The following ZNF419 variants were observed in gnomAD, a reference collection of about 807,000 sequenced individuals.
ZNF419 encodes the protein zinc finger protein 419.
Under a neutral mutation model 14.9 loss-of-function variants are expected in ZNF419, and 8 were observed. The observed-to-expected ratio is 0.54, with a 90% CI of 0.32 to 0.97. The LOEUF (loss-of-function observed/expected upper bound fraction) is 0.97. Among genes scored for constraint, ZNF419 ranks in the 50% least tolerant of loss-of-function variants. The pLI, the probability that ZNF419 is intolerant of heterozygous loss-of-function variation, is 0.04. For missense variants in ZNF419, 595 were observed against 607.2 expected, an observed-to-expected ratio of 0.98 and a Z score of 0.21; for synonymous variants, 211 against 205.3, an observed-to-expected ratio of 1.03 and a Z score of -0.24.
chr19:57,493,240 A>C lies in ZNF419; in HGVS notation c.683A>C (p.Lys228Thr), dbSNP rs765091670. 14 of 1,614,152 alleles carry C rather than the reference A, an allele frequency of 8.7e-6. No homozygotes were observed. In the South Asian group the frequency reaches 1.5e-4, roughly 18 times the overall value. Reference protein sequence around the residue: ...LVQHQRLHAGKKTYECSECGK... With the variant: ...LVQHQRLHAGTKTYECSECGK... ...CAGCACCAGAGACTACATGCTGGGA[A>C]AAAGACGTATGAATGCAGTGAATGT... The change falls in exon 5 of 5, where the codon AAA (lysine) becomes ACA (threonine). Residue 228 changes from lysine to threonine, a missense_variant. Coordinates refer to ENST00000221735, the MANE Select transcript of ZNF419 (RefSeq NM_024691.4).
chr19:57,495,696 A>T lies in ZNF419; in HGVS notation c.*1606A>T, dbSNP rs2089599728. 8.6e-6 allele frequency: 1 copy of T among 116,346 alleles called. No homozygotes were observed. The highest frequency in any genetic ancestry group is 3.0e-4 in the South Asian group (1 of 3,298). 7.2% of individuals were successfully genotyped at this position (116,346 alleles called of 1,614,324 possible). A position where few individuals can be genotyped will look rare whatever the true frequency, so the allele number is the denominator to read the frequency against. ...AGCCGAGATTGCGCCACTGCACTCCAGCCTGGGGCACAAAGCCAGACTCTG... is the reference window on the plus strand; with the variant it reads ...AGCCGAGATTGCGCCACTGCACTCCTGCCTGGGGCACAAAGCCAGACTCTG... On this transcript the variant is annotated 3_prime_UTR_variant, in exon 5 of 5. Coordinates refer to ENST00000221735, the MANE Select transcript of ZNF419 (RefSeq NM_024691.4).
chr19:57,492,705 C>T, intron 4 of ZNF419, 151 bp from the exon 5 acceptor site: 2 of 1,105,506 alleles, frequency 1.8e-6, no homozygotes, highest in Non-Finnish European at 2.8e-6. Context: ...CAGCACTGCA[C>T]AGCAGGCCCT....
At position 57,492,880 on chromosome 19, in the gene ZNF419, A is replaced by G; in HGVS notation, c.323A>G (p.Glu108Gly). ...GGTTGTTGGCATGGAGCCGAGGCTG[A>G]GGAGGCTCCTGAGCAGATTGCTTCT... ...PRGCWHGAEA[E>G]EAPEQIASVG... is the part of the protein sequence containing the mutation. The change falls in exon 5 of 5, where the codon GAG (glutamate) becomes GGG (glycine). Residue 108 changes from glutamate to glycine, a missense_variant. Glu to Gly is a moderately conservative substitution (Grantham distance 98). Coordinates refer to ENST00000221735, the MANE Select transcript of ZNF419 (RefSeq NM_024691.4). 6.2e-7 allele frequency: 1 copy of G among 1,613,746 alleles called. No homozygotes were observed. Among genetic ancestry groups the G allele is most frequent in the Non-Finnish European group, 8.5e-7 (1 of 1,179,806 alleles).
chr19:57,491,733 T>C (rs1438901702), intron 3 of ZNF419, 136 bp downstream of exon 3: 1 of 1,250,406 alleles, frequency 8.0e-7, no homozygotes, highest in South Asian at 1.3e-5. Flanking sequence ...GTAGCTATTG[T>C]AATAGGCCTG....
chr19:57,492,959 G>C lies in ZNF419; in HGVS notation c.402G>C (p.Glu134Asp). The change falls in exon 5 of 5, where the codon GAG becomes GAC. Residue 134 changes from glutamate (E) to aspartate (D), a missense_variant. Physicochemically the swap from Glu to Asp is conservative, Grantham distance 45. Coordinates refer to ENST00000221735, the MANE Select transcript of ZNF419 (RefSeq NM_024691.4). Reference sequence around the variant, plus strand: ...AACACCAGAAGCAGCACTGTGGAGAGAAACCCTTAAAAAGACAAGAGGGCA... The same window carrying C: ...AACACCAGAAGCAGCACTGTGGAGACAAACCCTTAAAAAGACAAGAGGGCA... ...IQQHQKQHCG[E>D]KPLKRQEGRV... The C allele has an allele frequency of 6.2e-7, 1 of 1,614,198 alleles. No homozygotes were observed. The highest frequency in any genetic ancestry group is 8.5e-7 in the Non-Finnish European group (1 of 1,180,040).
At chr19:57,490,110 A>C (rs759646503) in intron 1 of ZNF419, 37 bp from the exon 2 acceptor site, 51 of 1,606,908 alleles carry the variant, frequency 3.2e-5, no homozygotes, top group Non-Finnish European at 4.3e-5. Flanking sequence ...CTTTGGCAAC[A>C]TCACTGTCTG....
Position 57,495,664 on chromosome 19 carries a change from T to G in ZNF419, c.*1574T>G, listed in dbSNP as rs1405383785. The G allele has an allele frequency of 7.5e-6, 1 of 132,636 alleles. No homozygotes were observed. Among genetic ancestry groups the G allele is most frequent in the Non-Finnish European group, 1.5e-5 (1 of 64,634 alleles). 8.2% of individuals were successfully genotyped at this position (132,636 alleles called of 1,614,324 possible). On this transcript the variant is annotated 3_prime_UTR_variant, in exon 5 of 5. Transcript: ENST00000221735. Reference sequence around the variant, plus strand: ...TGGTGTGAGCCCGGGAGGCGGAGCTTGCAGTGAGCCGAGATTGCGCCACTG... The same window carrying G: ...TGGTGTGAGCCCGGGAGGCGGAGCTGGCAGTGAGCCGAGATTGCGCCACTG...
chr19:57,490,119 TG>T (rs763299710), intron 1 of ZNF419, 27 bp from the exon 2 acceptor site: 19 of 1,611,116 alleles, frequency 1.2e-5, no homozygotes, highest in African/African-American at 2.7e-5. Flanking sequence ...CATCACTGTC[TG>T]GTTCTCATAG....
At position 57,487,783 on chromosome 19, in the gene ZNF419, T is replaced by A; in HGVS notation, c.-168T>A. The A allele has an allele frequency of 1.1e-6, 1 of 918,690 alleles. No homozygotes were observed. Among genetic ancestry groups the A allele is most frequent in the Non-Finnish European group, 1.7e-6 (1 of 590,832 alleles). 56.9% of individuals were successfully genotyped at this position (918,690 alleles called of 1,614,324 possible). On this transcript the variant is annotated 5_prime_UTR_variant, in exon 1 of 5. Coordinates refer to ENST00000221735, the MANE Select transcript of ZNF419 (RefSeq NM_024691.4). Reference sequence around the variant, plus strand: ...CTTTCGCGACTCAGGTGAACTAACCTGCGAGAAGCTGGTTGTGCGCTGAGG... The same window carrying A: ...CTTTCGCGACTCAGGTGAACTAACCAGCGAGAAGCTGGTTGTGCGCTGAGG...
Position 57,487,909 on chromosome 19 carries a change from C to T in ZNF419, c.-42C>T. 1 of 1,613,654 alleles carries T rather than the reference C, an allele frequency of 6.2e-7. No individual in the cohort carries two copies. The highest frequency in any genetic ancestry group is 8.5e-7 in the Non-Finnish European group (1 of 1,179,728). ...GCGCCCAGGGTGGCCCGGGCCCTTT[C>T]CTCGGTCATTGTCTCCCCTCCAGCT... On this transcript the variant is annotated 5_prime_UTR_variant, in exon 1 of 5. Transcript: ENST00000221735.
Position 57,495,100 on chromosome 19 carries a change from A to G in ZNF419, c.*1010A>G. Reference sequence around the variant, plus strand: ...TTACAAGTTCTTAATATTTCTGGAGACAAATTCCTTATTTGATATAAGCAT... The same window carrying G: ...TTACAAGTTCTTAATATTTCTGGAGGCAAATTCCTTATTTGATATAAGCAT... On this transcript the variant is annotated 3_prime_UTR_variant, in exon 5 of 5. Transcript: ENST00000221735. The G allele has an allele frequency of 6.6e-6, 1 of 152,186 alleles. No individual in the cohort carries two copies. The highest frequency in any genetic ancestry group is 1.9e-4 in the East Asian group (1 of 5,192). 9.4% of individuals were successfully genotyped at this position (152,186 alleles called of 1,614,324 possible).
Position 57,494,167 on chromosome 19 carries a change from A to T in ZNF419, c.*77A>T. 1.3e-6 allele frequency: 2 copies of T among 1,527,808 alleles called. No individual in the cohort carries two copies. Among genetic ancestry groups the T allele is most frequent in the Non-Finnish European group, 1.8e-6 (2 of 1,142,652 alleles). 94.6% of individuals were successfully genotyped at this position (1,527,808 alleles called of 1,614,324 possible). A position where few individuals can be genotyped will look rare whatever the true frequency, so the allele number is the denominator to read the frequency against. On this transcript the variant is annotated 3_prime_UTR_variant, in exon 5 of 5. Transcript: ENST00000221735. Reference sequence around the variant, plus strand: ...TCACAGTGGAAAAAATCTTGAAGGTAACAGATGGAAATCCGTTAGCCACAC... The same window carrying T: ...TCACAGTGGAAAAAATCTTGAAGGTTACAGATGGAAATCCGTTAGCCACAC...
chr19:57,489,050 A>T (rs1355001323), intron 1 of ZNF419: 1 of 152,288 alleles, frequency 6.6e-6, no homozygotes, highest in African/African-American at 2.4e-5. Flanking sequence ...GTATGGACAA[A>T]AGGAAACGTC....
chr19:57,489,039 C>T (rs1242699614), intron 1 of ZNF419: 1 of 152,200 alleles, frequency 6.6e-6, no homozygotes, highest in Non-Finnish European at 1.5e-5. Context: ...ATGTACAGTC[C>T]GTATGGACAA....
At position 57,493,337 on chromosome 19, in the gene ZNF419, G is replaced by C; in HGVS notation, c.780G>C (p.Gly260=). 6.2e-7 allele frequency: 1 copy of C among 1,614,174 alleles called. No individual in the cohort carries two copies. The highest frequency in any genetic ancestry group is 8.5e-7 in the Non-Finnish European group (1 of 1,180,030). ...QIVHTGERPY[G]CSNCGKSFSR... Reference sequence around the variant, plus strand: ...TTCACACTGGAGAAAGGCCTTACGGGTGTAGTAACTGTGGAAAATCCTTTA... The same window carrying C: ...TTCACACTGGAGAAAGGCCTTACGGCTGTAGTAACTGTGGAAAATCCTTTA... Residue 260 remains glycine (G), a synonymous_variant, in exon 5 of 5, where the codon GGG becomes GGC. Transcript: ENST00000221735.
At chr19:57,490,738 A>G (rs1214079604) in intron 2 of ZNF419, 1 of 154,962 alleles carries the variant, frequency 6.5e-6, no homozygotes, top group Non-Finnish European at 1.4e-5. Flanking sequence ...TAGAAAATAC[A>G]TGGAGGTAAG....
In ZNF419 at chr19:57,487,992, C is replaced by G. The variant is rs1421503378; in HGVS notation, c.33+9C>G. 1 of 1,613,652 alleles carries G rather than the reference C, an allele frequency of 6.2e-7. No homozygotes were observed. The highest frequency in any genetic ancestry group is 2.2e-5 in the East Asian group (1 of 44,866). Reference sequence around the variant, plus strand: ...TGAGGGACCCCGCTCAGGTGAGCGCCGCGTCCTCCTGGCCTCCCCCGAATC... The same window carrying G: ...TGAGGGACCCCGCTCAGGTGAGCGCGGCGTCCTCCTGGCCTCCCCCGAATC... On this transcript the variant is annotated intron_variant, in intron 1 of 4. Coordinates refer to ENST00000221735, the MANE Select transcript of ZNF419 (RefSeq NM_024691.4).
In ZNF419 at chr19:57,492,898, T is replaced by G. The variant is rs114373046; in HGVS notation, c.341T>G (p.Ile114Ser). 4.3e-6 allele frequency: 7 copies of G among 1,613,960 alleles called. No individual in the cohort carries two copies. Among genetic ancestry groups the G allele is most frequent in the African/African-American group, 2.7e-5 (2 of 74,928 alleles). The change falls in exon 5 of 5, where the codon ATT becomes AGT. Residue 114 changes from isoleucine (I) to serine (S), a missense_variant. Physicochemically the swap from Ile to Ser is moderately radical, Grantham distance 142. Transcript: ENST00000221735. ...GAEAEEAPEQ[I>S]ASVGLLSSNI... is the part of the protein sequence containing the mutation. ...GAGGCTGAGGAGGCTCCTGAGCAGA[T>G]TGCTTCTGTAGGACTGCTCAGTTCA... is the stretch of plus-strand genomic sequence containing the variant.
chr19:57,492,668 T>C, intron 4 of ZNF419, 188 bp from the exon 5 acceptor site: 1 of 843,992 alleles, frequency 1.2e-6, no homozygotes. Context: ...TCATGAGGCC[T>C]CCCCAAATCC....
Sources: allele counts gnomAD v4.1 joint callset, GRCh38; gene constraint gnomAD v4.1.1; transcripts MANE v1.5; gene names NCBI Gene and HGNC (gene_info 2026-07-23, HGNC 2026-07-21).